HSD17B12: variants seen among roughly 807,000 people sequenced by gnomAD.
The protein encoded by HSD17B12 is hydroxysteroid 17-beta dehydrogenase 12, also known as very-long-chain 3-oxoacyl-CoA reductase.
In HSD17B12, 32 loss-of-function variants were observed where a neutral mutation model predicts 39.3. The ratio of observed to expected loss-of-function variants is 0.81; its 90% CI spans 0.61 to 1.09. The LOEUF is 1.09. Among genes scored for constraint, HSD17B12 ranks in the 50% least tolerant of loss-of-function variants. The pLI is 0.00. For missense variants in HSD17B12, 342 were observed against 382.9 expected, an observed-to-expected ratio of 0.89 and a Z score of 0.89; for synonymous variants, 150 against 146.7, an observed-to-expected ratio of 1.02 and a Z score of -0.16.
At chr11:43,652,013 C>T in the HSD17B12 span, among the ~76,000 whole-genome samples, 4 of 152,138 alleles carry the variant, frequency 2.6e-5, no homozygotes, top group Admixed American at 6.5e-5. Flanking sequence ...GAGAAAGATA[C>T]CATGTTCGTG....
At chr11:43,833,636 T>C (rs926004362) in intron 7 of HSD17B12, 2 of 152,244 alleles carry the variant, frequency 1.3e-5, no homozygotes, top group African/African-American at 4.8e-5. Flanking sequence ...GGTTTCATTA[T>C]AGCCTGCTCT....
chr11:43,559,941 C>A, the HSD17B12 span, among the ~76,000 whole-genome samples: 1 of 152,076 alleles, frequency 6.6e-6, no homozygotes, highest in Non-Finnish European at 1.5e-5. Context: ...ACGTAGGGCC[C>A]CTTGTTCAAA....
chr11:43,775,982 C>T (rs1178365611), intron 3 of HSD17B12, among the ~76,000 whole-genome samples: 2 of 152,068 alleles, frequency 1.3e-5, no homozygotes, highest in African/African-American at 4.8e-5. Context: ...TGTATATGTA[C>T]CACATTTTCT....
intron 6 of HSD17B12, among the ~76,000 whole-genome samples, chr11:43,828,441 A>G (rs1359847687): frequency 1.3e-5 from 2 of 152,084 alleles, no homozygotes; most frequent in African/African-American, 4.8e-5. Context: ...GCGCCCGGCC[A>G]CTTTTGTCTA....
intron 3 of HSD17B12, among the ~76,000 whole-genome samples, chr11:43,784,057 C>T (rs888176170): frequency 1.3e-5 from 2 of 152,100 alleles, no homozygotes; most frequent in Admixed American, 6.6e-5. Context: ...AGGATTTATT[C>T]GGCCAGGAGC....
the HSD17B12 span, among the ~76,000 whole-genome samples, chr11:43,655,495 G>A: frequency 6.6e-6 from 1 of 152,070 alleles, no homozygotes; most frequent in South Asian, 2.1e-4. Flanking sequence ...GTTTTCAAAG[G>A]GAATGCTTCC....
At chr11:43,665,836 C>G in the HSD17B12 span, among the ~76,000 whole-genome samples, 1 of 152,180 alleles carries the variant, frequency 6.6e-6, no homozygotes, top group Non-Finnish European at 1.5e-5. Context: ...GTGATCCCAG[C>G]TAATTGAGAG....
the HSD17B12 span, among the ~76,000 whole-genome samples, chr11:43,592,071 T>A: frequency 6.6e-6 from 1 of 152,138 alleles, no homozygotes; most frequent in East Asian, 1.9e-4. Flanking sequence ...AGAGCATTTT[T>A]AAACTAATTT....
chr11:43,793,705 AG>A (rs1950890504), intron 3 of HSD17B12, among the ~76,000 whole-genome samples: 1 of 152,146 alleles, frequency 6.6e-6, no homozygotes, highest in East Asian at 1.9e-4. Flanking sequence ...AGACTATTTG[AG>A]GGTTCAGTTC....
chr11:43,790,340 G>A (rs1215214754), intron 3 of HSD17B12, among the ~76,000 whole-genome samples: 1 of 152,170 alleles, frequency 6.6e-6, no homozygotes, highest in East Asian at 1.9e-4. Flanking sequence ...GCTGATGCAA[G>A]GAGGTAAGAG....
chr11:43,614,112 T>A, the HSD17B12 span, among the ~76,000 whole-genome samples: 1 of 152,228 alleles, frequency 6.6e-6, no homozygotes, highest in East Asian at 1.9e-4. Context: ...TCTATGATGC[T>A]CTTCACTCCT....
chr11:43,642,997 A>G, the HSD17B12 span, among the ~76,000 whole-genome samples: 1 of 152,012 alleles, frequency 6.6e-6, no homozygotes, highest in Non-Finnish European at 1.5e-5. Context: ...AGGTTTTTGC[A>G]TGTGTATTAG....
intron 3 of HSD17B12, among the ~76,000 whole-genome samples, chr11:43,768,342 A>G (rs749011713): frequency 2.0e-5 from 3 of 152,186 alleles, no homozygotes; most frequent in Non-Finnish European, 4.4e-5. Flanking sequence ...CCTTTTTAAG[A>G]CATAGCCATG....
the HSD17B12 span, among the ~76,000 whole-genome samples, chr11:43,635,978 T>C: frequency 6.6e-6 from 1 of 152,206 alleles, no homozygotes; most frequent in South Asian, 2.1e-4. Context: ...TATGTAGTAT[T>C]CTGGGGATAC....
At chr11:43,658,064 G>A in the HSD17B12 span, among the ~76,000 whole-genome samples, 3,212 of 152,222 alleles carry the variant, frequency 0.021, 54 homozygotes, top group East Asian at 0.096. Context: ...TTTTCACATA[G>A]TCCCATATTT....
the HSD17B12 span, among the ~76,000 whole-genome samples, chr11:43,589,943 C>T: frequency 1.6e-4 from 24 of 152,192 alleles, no homozygotes; most frequent in African/African-American, 4.6e-4. Flanking sequence ...TTCATAAGAT[C>T]GTTAGGAAGA....
chr11:43,645,046 A>G, the HSD17B12 span: 1 of 152,148 alleles, frequency 6.6e-6, no homozygotes, highest in Non-Finnish European at 1.5e-5. Flanking sequence ...GTTTGAGTTT[A>G]TTTATGGAAA....
intron 6 of HSD17B12, among the ~76,000 whole-genome samples, chr11:43,824,585 A>G (rs1479637319): frequency 6.6e-6 from 1 of 152,146 alleles, no homozygotes; most frequent in Non-Finnish European, 1.5e-5. Flanking sequence ...GGCCTCTTTT[A>G]TAAGGGCACC....
At chr11:43,829,554 C>T (rs1434977830) in intron 6 of HSD17B12, among the ~76,000 whole-genome samples, 1 of 152,064 alleles carries the variant, frequency 6.6e-6, no homozygotes, top group Non-Finnish European at 1.5e-5. Flanking sequence ...CATCTCCCTG[C>T]CCCCAATATT....
Sources: gnomAD v4.1 joint callset for allele counts (sites outside exome capture counted in the v4.1 genomes callset) on GRCh38, gnomAD v4.1.1 for gene constraint, MANE v1.5 for transcripts, NCBI Gene and HGNC (gene_info 2026-07-23, HGNC 2026-07-21) for gene names.